Variants in ARMC6 observed in about 807,000 individuals in gnomAD.
ARMC6 encodes the protein armadillo repeat-containing protein 6.
A neutral mutation model predicts 49.2 loss-of-function variants in ARMC6; 43 were observed. The ratio of observed to expected loss-of-function variants is 0.87; its 90% CI spans 0.69 to 1.13. ARMC6 has a LOEUF of 1.13. ARMC6 is among the 50% of genes most tolerant of loss of function. The pLI, the probability that ARMC6 is intolerant of heterozygous loss-of-function variation, is 0.00. For synonymous variants in ARMC6, 262 were observed against 289.6 expected (o/e 0.90, Z 0.97); for missense variants, 627 against 682.0 (o/e 0.92, Z 0.90).
chr19:19,035,384 G>T (rs927618144), intron 2 of ARMC6, among the ~76,000 whole-genome samples: 10 of 152,226 alleles, frequency 6.6e-5, no homozygotes, highest in African/African-American at 2.4e-4. Flanking sequence ...CTCATCTTCT[G>T]TTTTACCCTC....
chr19:19,045,562 A>C (rs1165257495), intron 4 of ARMC6, among the ~76,000 whole-genome samples: 1 of 135,494 alleles, frequency 7.4e-6, no homozygotes, highest in Non-Finnish European at 1.5e-5. Context: ...GTCTTGGCTC[A>C]CTGCAACCTC....
At chr19:19,048,347 AAAAAAAC>A (rs57205750) in intron 4 of ARMC6, among the ~76,000 whole-genome samples, 11,044 of 151,738 alleles carry the variant, frequency 0.073, 552 homozygotes, top group African/African-American at 0.15. Flanking sequence ...ATTGCATCTC[AAAAAAAC>A]AAAAAACAAA....
At chr19:19,046,151 T>A (rs1245368555) in intron 4 of ARMC6, among the ~76,000 whole-genome samples, 4 of 152,120 alleles carry the variant, frequency 2.6e-5, no homozygotes, top group Non-Finnish European at 4.4e-5. Flanking sequence ...AAACTCCGTG[T>A]TTGTTTATAA....
chr19:19,038,061 G>A (rs918360517), intron 2 of ARMC6, among the ~76,000 whole-genome samples: 7 of 152,150 alleles, frequency 4.6e-5, no homozygotes, highest in Admixed American at 6.5e-5. Context: ...ATAGGAGCAC[G>A]AACCCTACTG....
At chr19:19,046,284 C>T (rs1287349571) in intron 4 of ARMC6, among the ~76,000 whole-genome samples, 2 of 151,750 alleles carry the variant, frequency 1.3e-5, no homozygotes, top group African/African-American at 4.8e-5. Flanking sequence ...GCAAGCTCCA[C>T]CTCCCAGGTT....
Position 19,055,132 on chromosome 19 carries a change from TTCTCGTTAG to T in ARMC6, c.1024-130_1024-122del. ...CTGAGCCACAGGCATCTGCCACCCC[TTCTCGTTAG>T]TCACACCCTGCAGTCACACCATACC... On this transcript the variant is annotated intron_variant, in intron 6 of 8. Coordinates refer to ENST00000535612, the MANE Select transcript of ARMC6 (RefSeq NM_001199196.2). This position sits in a 1 kb window ranked among gnomAD's most constrained non-coding sequence, Gnocchi z 5.7. 8.3e-7 allele frequency: 1 copy of T among 1,211,418 alleles called. No individual in the cohort carries two copies. The highest frequency in any genetic ancestry group is 1.7e-5 in the South Asian group (1 of 59,956). The allele number at this position is 1,211,418 out of a possible 1,614,324, so 75.0% of individuals were successfully genotyped here.
chr19:19,055,001 A>G lies in ARMC6; in HGVS notation c.1024-264A>G, dbSNP rs956949661. Among the ~76,000 whole-genome samples, 1 of 152,196 alleles carries G rather than the reference A, an allele frequency of 6.6e-6. No homozygotes were observed. Among genetic ancestry groups the G allele is most frequent in the East Asian group, 1.9e-4 (1 of 5,184 alleles). On this transcript the variant is annotated intron_variant, in intron 6 of 8. Coordinates refer to ENST00000535612, the MANE Select transcript of ARMC6 (RefSeq NM_001199196.2). The surrounding 1 kb of genome is among the most constrained non-coding windows in gnomAD (Gnocchi z 5.7). ...CTACCCTGGGTCTGTGGCCGTGGACAGGGGGACCCTGTGCTCTGAAGGCCG... is the reference window on the plus strand; with the variant it reads ...CTACCCTGGGTCTGTGGCCGTGGACGGGGGGACCCTGTGCTCTGAAGGCCG...
intron 2 of ARMC6, among the ~76,000 whole-genome samples, chr19:19,038,307 T>C (rs73008934): frequency 0.065 from 9,821 of 152,190 alleles, 382 homozygotes; most frequent in Middle Eastern, 0.15. Context: ...CCTGAAACCA[T>C]CCCCACCCTA....
intron 8 of ARMC6, among the ~76,000 whole-genome samples, 186 bp from the exon 9 acceptor site, chr19:19,057,230 C>T (rs1258355286): frequency 6.6e-6 from 1 of 152,236 alleles, no homozygotes; most frequent in African/African-American, 2.4e-5. Flanking sequence ...GGGAGTTAGC[C>T]ATGCCTTGTG....
chr19:19,036,715 C>G (rs539360879), intron 2 of ARMC6, among the ~76,000 whole-genome samples: 1 of 152,158 alleles, frequency 6.6e-6, no homozygotes, highest in Non-Finnish European at 1.5e-5. Context: ...AGATGGGACT[C>G]CTGCATAAAC....
chr19:19,056,869 C>T (rs1181137373), intron 8 of ARMC6, among the ~76,000 whole-genome samples: 1 of 152,228 alleles, frequency 6.6e-6, no homozygotes, highest in African/African-American at 2.4e-5. Flanking sequence ...CCTGGTCTGA[C>T]CCCTTGTCCA....
chr19:19,035,125 A>G (rs893976810), intron 2 of ARMC6, among the ~76,000 whole-genome samples: 12 of 151,964 alleles, frequency 7.9e-5, no homozygotes, highest in African/African-American at 2.9e-4. Context: ...CGGCCTCCCA[A>G]AGTGCTGGGA....
intron 4 of ARMC6, among the ~76,000 whole-genome samples, chr19:19,050,346 C>G (rs1253407537): frequency 6.6e-6 from 1 of 152,120 alleles, no homozygotes; most frequent in Non-Finnish European, 1.5e-5. Context: ...TTGAGTGTAT[C>G]CCCAGAAGTG....
chr19:19,039,326 G>C (rs1259074844), intron 2 of ARMC6: 3 of 449,488 alleles, frequency 6.7e-6, no homozygotes, highest in South Asian at 4.7e-5. Context: ...TTGTAGAGAC[G>C]GGGCCTTACT....
rs115821923 is a variant in ARMC6, at chr19:19,052,523, C to T, written c.853+328C>T. ...CTCCCCAGAGGGAAATAAGAGGACT[C>T]GGGGGGGCTGGCTGGCATGCACCAT... On this transcript the variant is annotated intron_variant, in intron 5 of 8. Coordinates refer to ENST00000535612, the MANE Select transcript of ARMC6 (RefSeq NM_001199196.2). Among the ~76,000 whole-genome samples, 698 of 152,124 alleles carry T rather than the reference C, an allele frequency of 4.6e-3. 5 individuals are homozygous for T. The highest frequency in any genetic ancestry group is 0.014 in the African/African-American group (596 of 41,502).
At chr19:19,035,107 G>A (rs947752135) in intron 2 of ARMC6, among the ~76,000 whole-genome samples, 1 of 152,066 alleles carries the variant, frequency 6.6e-6, no homozygotes. Context: ...CTCATGATCC[G>A]CCCGCTTCGG....
intron 2 of ARMC6, chr19:19,040,559 G>A (rs562099254): frequency 1.1e-4 from 26 of 227,784 alleles, no homozygotes; most frequent in Non-Finnish European, 2.1e-4. Context: ...GAGTACAAGA[G>A]CATGCCACCA....
Position 19,055,361 on chromosome 19 carries a change from G to A in ARMC6, c.1120G>A (p.Val374Met), listed in dbSNP as rs139303339. The A allele has an allele frequency of 4.0e-5, 64 of 1,612,628 alleles. No individual in the cohort carries two copies. Among genetic ancestry groups the A allele is most frequent in the African/African-American group, 5.3e-5 (4 of 74,872 alleles). Residue 374 changes from valine (V) to methionine (M), a missense_variant, in exon 7 of 9, where the codon GTG becomes ATG. Physicochemically the swap from Val to Met is conservative, Grantham distance 21. Transcript: ENST00000535612. This position sits in a 1 kb window ranked among gnomAD's most constrained non-coding sequence, Gnocchi z 5.7. ...CCGTGCTGGTGGGACGGAGTCCATC[G>A]TGGCTGCTATGACCCAGCATCTGAC... ...IVRAGGTESIVAAMTQHLTSP... is the reference protein window; with the variant it reads ...IVRAGGTESIMAAMTQHLTSP...
At chr19:19,039,186 G>A (rs2059393360) in intron 2 of ARMC6, 4 of 249,712 alleles carry the variant, frequency 1.6e-5, no homozygotes, top group South Asian at 1.4e-4. Flanking sequence ...CCAGACCGGA[G>A]TGCAGTGGCC....
Sources: allele counts gnomAD v4.1 joint callset (sites outside exome capture counted in the v4.1 genomes callset), GRCh38; gene constraint gnomAD v4.1.1; non-coding constraint Gnocchi (gnomAD v3.1); transcripts MANE v1.5; gene names NCBI Gene and HGNC (gene_info 2026-07-23, HGNC 2026-07-21).